ZHX3: variants seen among roughly 807,000 people sequenced by gnomAD.
The protein encoded by ZHX3 is zinc fingers and homeoboxes protein 3.
A neutral mutation model predicts 64.5 loss-of-function variants in ZHX3; 20 were observed. The ratio of observed to expected loss-of-function variants is 0.31; its 90% CI spans 0.22 to 0.45. ZHX3 has a LOEUF of 0.45. Ranked by LOEUF, ZHX3 falls within the 20% of genes least tolerant of loss-of-function variation. The pLI is 1.00. For synonymous variants in ZHX3, 423 were observed against 461.6 expected, an observed-to-expected ratio of 0.92 and a Z score of 1.07; for missense variants, 1,041 against 1,195.8, an observed-to-expected ratio of 0.87 and a Z score of 1.91.
intron 2 of ZHX3, among the ~76,000 whole-genome samples, chr20:41,258,448 C>T (rs1252068311): frequency 2.0e-5 from 3 of 152,062 alleles, no homozygotes; most frequent in African/African-American, 2.4e-5. Flanking sequence ...TCAGAATCCC[C>T]GCTGTATTTA....
chr20:41,252,279 T>TA (rs1420068773), intron 2 of ZHX3, among the ~76,000 whole-genome samples: 4 of 152,238 alleles, frequency 2.6e-5, no homozygotes, highest in African/African-American at 7.2e-5. Context: ...AGCAGAGGGA[T>TA]AGGGGACAGG....
intron 2 of ZHX3, among the ~76,000 whole-genome samples, chr20:41,250,876 C>G (rs547492118): frequency 9.2e-5 from 14 of 152,300 alleles, no homozygotes; most frequent in African/African-American, 3.4e-4. Context: ...GCCGGGCACA[C>G]TGGCTCACGC....
At chr20:41,266,734 A>T (rs547598904) in intron 2 of ZHX3, among the ~76,000 whole-genome samples, 12 of 150,254 alleles carry the variant, frequency 8.0e-5, no homozygotes, top group Non-Finnish European at 1.8e-4. Flanking sequence ...TTTAGTAGAG[A>T]CAGGGTTTCA....
intron 2 of ZHX3, among the ~76,000 whole-genome samples, chr20:41,233,287 A>G (rs146524584): frequency 0.01 from 1,566 of 152,286 alleles, 18 homozygotes; most frequent in Admixed American, 0.031. Context: ...TCTCCCTGCT[A>G]TGTTGTGGTG....
intron 3 of ZHX3, among the ~76,000 whole-genome samples, chr20:41,196,319 AATAAAT>A (rs1348752808): frequency 8.6e-6 from 1 of 115,992 alleles, no homozygotes; most frequent in East Asian, 2.1e-4. Context: ...ATATATTTAT[AATAAAT>A]ATATTTTTAT....
At position 41,204,239 on chromosome 20, in the gene ZHX3, T is replaced by G. The variant is rs1215793833; in HGVS notation, c.678A>C (p.Arg226Ser). The G allele has an allele frequency of 1.2e-6, 2 of 1,614,028 alleles. No individual in the cohort carries two copies. Among genetic ancestry groups the G allele is most frequent in the Non-Finnish European group, 8.5e-7 (1 of 1,179,940 alleles). ...CATTGATGAAGGAATGGTCCCCCTC[T>G]CTCACCTCCATTTCTCCAGTCGACA... is the stretch of plus-strand genomic sequence containing the variant. Reference protein sequence around the residue: ...PKLSTGEMEVREGDHSFINGA... With the variant: ...PKLSTGEMEVSEGDHSFINGA... Residue 226 changes from arginine to serine, a missense_variant, in exon 3 of 4, where the codon AGA (arginine) becomes AGC (serine). Arg to Ser is a moderately radical substitution (Grantham distance 110). Transcript: ENST00000683867. The surrounding 1 kb of genome is among the most constrained non-coding windows in gnomAD (Gnocchi z 6.6).
At chr20:41,270,109 A>C (rs995965227) in intron 1 of ZHX3, among the ~76,000 whole-genome samples, 2 of 152,208 alleles carry the variant, frequency 1.3e-5, no homozygotes, top group African/African-American at 4.8e-5. Context: ...CATTATGTTA[A>C]GGCCGGGTAC....
chr20:41,279,160 C>G (rs574338348), intron 1 of ZHX3, among the ~76,000 whole-genome samples: 5 of 152,152 alleles, frequency 3.3e-5, no homozygotes, highest in Non-Finnish European at 7.4e-5. Flanking sequence ...GAATTTGAAT[C>G]CTGGGTCAAC....
intron 2 of ZHX3, among the ~76,000 whole-genome samples, chr20:41,261,689 G>A (rs1184127542): frequency 6.6e-6 from 1 of 152,168 alleles, no homozygotes; most frequent in Non-Finnish European, 1.5e-5. Context: ...TGAACATAAA[G>A]ACTGATCTTT....
At chr20:41,259,323 TCA>T (rs1029204239) in intron 2 of ZHX3, among the ~76,000 whole-genome samples, 31 of 152,246 alleles carry the variant, frequency 2.0e-4, no homozygotes, top group African/African-American at 6.3e-4. Context: ...CTATAGGGAC[TCA>T]CAGACTAGGT....
Position 41,204,077 on chromosome 20 carries a change from C to T in ZHX3, c.840G>A (p.Val280=), listed in dbSNP as rs747539813. 8.1e-6 allele frequency: 13 copies of T among 1,610,476 alleles called. No individual in the cohort carries two copies. Among genetic ancestry groups the T allele is most frequent in the Non-Finnish European group, 1.1e-5 (13 of 1,177,996 alleles). ...GCTGGTGGACATGGTGTTGGGCATG[C>T]ACTGGGGGCTGCTGCTGGAGGGAGA... is the stretch of plus-strand genomic sequence containing the variant. The part of the protein sequence containing the change: ...QFLSLQQQPP[V]HAQHHVHQPL... The change falls in exon 3 of 4, where the codon GTG becomes GTA. Residue 280 remains valine, a synonymous_variant. Coordinates refer to ENST00000683867, the MANE Select transcript of ZHX3 (RefSeq NM_001384317.1). The surrounding 1 kb of genome is among the most constrained non-coding windows in gnomAD (Gnocchi z 6.6).
chr20:41,265,572 G>A (rs1366779412), intron 2 of ZHX3, among the ~76,000 whole-genome samples: 1 of 152,058 alleles, frequency 6.6e-6, no homozygotes, highest in African/African-American at 2.4e-5. Context: ...TGGTCCTCAA[G>A]CTTGAGTGCA....
Position 41,185,038 on chromosome 20 carries a change from C to T in ZHX3, c.*153G>A. 1.9e-6 allele frequency: 3 copies of T among 1,551,800 alleles called. No homozygotes were observed. Among genetic ancestry groups the T allele is most frequent in the Non-Finnish European group, 2.6e-6 (3 of 1,147,120 alleles). On this transcript the variant is annotated 3_prime_UTR_variant, in exon 4 of 4. Transcript: ENST00000683867. This position sits in a 1 kb window ranked among gnomAD's most constrained non-coding sequence, Gnocchi z 5.0. ...TGGGCAGGCCGAGGGTAGCGGCAGGCTCTGGGCTGTCTGCGAGGATTCTGG... is the reference window on the plus strand; with the variant it reads ...TGGGCAGGCCGAGGGTAGCGGCAGGTTCTGGGCTGTCTGCGAGGATTCTGG...
intron 2 of ZHX3, among the ~76,000 whole-genome samples, chr20:41,255,698 G>C (rs2042214634): frequency 6.6e-6 from 1 of 152,204 alleles, no homozygotes; most frequent in African/African-American, 2.4e-5. Flanking sequence ...TACTAACACT[G>C]TGGTAGAATC....
At chr20:41,216,612 T>C (rs1488637976) in intron 2 of ZHX3, among the ~76,000 whole-genome samples, 2 of 152,214 alleles carry the variant, frequency 1.3e-5, no homozygotes, top group African/African-American at 2.4e-5. Flanking sequence ...CATAGTTTAT[T>C]TAACCATTCT....
At chr20:41,289,850 G>T (rs2044139520) in intron 1 of ZHX3, among the ~76,000 whole-genome samples, 1 of 151,516 alleles carries the variant, frequency 6.6e-6, no homozygotes, top group Admixed American at 6.6e-5. Flanking sequence ...GTCAATAAAA[G>T]ATTGCTGAAA....
intron 3 of ZHX3, among the ~76,000 whole-genome samples, chr20:41,198,441 T>C (rs1465816860): frequency 6.6e-6 from 1 of 152,178 alleles, no homozygotes; most frequent in Non-Finnish European, 1.5e-5. Context: ...TCTTTCATTT[T>C]TGAAGAATAG....
intron 3 of ZHX3, among the ~76,000 whole-genome samples, chr20:41,186,809 G>C (rs375040625): frequency 6.6e-6 from 1 of 152,056 alleles, no homozygotes; most frequent in East Asian, 1.9e-4. Context: ...TAAATCATTT[G>C]CCCGTTTTTG....
At chr20:41,313,659 G>A (rs1253874307) in intron 1 of ZHX3, among the ~76,000 whole-genome samples, 7 of 143,886 alleles carry the variant, frequency 4.9e-5, no homozygotes, top group African/African-American at 1.0e-4. Context: ...GTGCAGTGGC[G>A]AGATCTCAGC....
Sources: allele counts gnomAD v4.1 joint callset (sites outside exome capture counted in the v4.1 genomes callset), GRCh38; gene constraint gnomAD v4.1.1; non-coding constraint Gnocchi (gnomAD v3.1); transcripts MANE v1.5; gene names NCBI Gene and HGNC (gene_info 2026-07-23, HGNC 2026-07-21).